TSPO2: variants seen among roughly 807,000 people sequenced by gnomAD.
TSPO2 encodes benzodiazapine receptor (peripheral)-like 1.
A neutral mutation model predicts 13.3 loss-of-function variants in TSPO2; 15 were observed. The ratio of observed to expected loss-of-function variants is 1.13; its 90% confidence interval spans 0.75 to 1.73. The LOEUF is 1.73. Among genes scored for constraint, TSPO2 ranks in the 40% most tolerant of loss-of-function variants. TSPO2 has a pLI of 0.00. For synonymous variants in TSPO2, 81 were observed against 91.6 expected (o/e 0.88, Z 0.66); for missense variants, 202 against 198.3 (o/e 1.02, Z -0.11).
rs1762618146 is a variant in TSPO2 at position 41,043,197 on chromosome 6, T to C, written c.173+39T>C. ...TCTCACACATGGCCCTGGTACCCAA[T>C]GGGGTGGGAACAAGTCCTCTATATC... On this transcript the variant is annotated intron_variant, in intron 2 of 3. Coordinates refer to ENST00000373161, the MANE Select transcript of TSPO2 (RefSeq NM_001010873.3). 5 of 1,579,310 alleles carry C rather than the reference T, an allele frequency of 3.2e-6. No homozygotes were observed. The African/African-American group carries it at 4.0e-5, about 13-fold the overall frequency.
rs1427481618 is a variant in TSPO2, at chr6:41,044,131, T to C, written c.507T>C (p.Ser169=). 1 of 1,612,724 alleles carries C rather than the reference T, an allele frequency of 6.2e-7. No individual in the cohort carries two copies. Among genetic ancestry groups the C allele is most frequent in the South Asian group, 1.1e-5 (1 of 90,932 alleles). ...PVHQPQPTEK[S]D ...ACCAGCCTCAGCCCACGGAGAAGAG[T>C]GACTGAGGCCCTAGGGCATGGGAGA... Residue 169 remains serine, a synonymous_variant, in exon 4 of 4, where the codon AGT becomes AGC. Transcript: ENST00000373161.
rs777623667 is a variant in TSPO2, at chr6:41,043,586, T to G, written c.203T>G (p.Leu68Arg). 3 of 1,609,130 alleles carry G rather than the reference T, an allele frequency of 1.9e-6. No homozygotes were observed. The highest frequency in any genetic ancestry group is 2.5e-6 in the Non-Finnish European group (3 of 1,177,412). ...GCCTCCTACCTGGTGTGGAAGGACC[T>G]GGGAGGGGGCTTGGGGTGGCCCCTG... Reference protein sequence around the residue: ...GYASYLVWKDLGGGLGWPLAL... With the variant: ...GYASYLVWKDRGGGLGWPLAL... The change falls in exon 3 of 4, where the codon CTG (leucine) becomes CGG (arginine). Residue 68 changes from leucine (L) to arginine (R), a missense_variant. By Grantham distance (102) the Leu-to-Arg change is moderately radical. Coordinates refer to ENST00000373161, the MANE Select transcript of TSPO2 (RefSeq NM_001010873.3).
chr6:41,043,469 G>A, intron 2 of TSPO2, 88 bp from the exon 3 acceptor site: 1 of 1,483,178 alleles, frequency 6.7e-7, no homozygotes, highest in Non-Finnish European at 9.1e-7. Flanking sequence ...GCCCACAAGG[G>A]TATCCAAGAG....
chr6:41,041,575 G>A (rs923930216), upstream of TSPO2, among the ~76,000 whole-genome samples: 3 of 151,816 alleles, frequency 2.0e-5, no homozygotes, highest in Admixed American at 1.3e-4. Context: ...ATGAGCAAAC[G>A]GACAGTCAGG....
intron 3 of TSPO2, 103 bp from the exon 4 acceptor site, chr6:41,043,837 G>A: frequency 1.3e-6 from 2 of 1,529,760 alleles, no homozygotes; most frequent in Non-Finnish European, 1.8e-6. Context: ...CCCATGGTGT[G>A]CACAGAGCCC....
upstream of TSPO2, among the ~76,000 whole-genome samples, chr6:41,041,736 G>T (rs1308213050): frequency 6.6e-6 from 1 of 152,234 alleles, no homozygotes; most frequent in Non-Finnish European, 1.5e-5. Context: ...AGCACTTTGG[G>T]AGGCCAAGGC....
upstream of TSPO2, among the ~76,000 whole-genome samples, chr6:41,041,470 G>A (rs1425429891): frequency 6.6e-6 from 1 of 152,238 alleles, no homozygotes; most frequent in Admixed American, 6.5e-5. Context: ...CACTGGGAGA[G>A]GCAGGTGTCA....
At chr6:41,043,354 C>G (rs184951359) in intron 2 of TSPO2, among the ~76,000 whole-genome samples, 196 bp downstream of exon 2, 2 of 152,268 alleles carry the variant, frequency 1.3e-5, no homozygotes, top group African/African-American at 4.8e-5. Context: ...CTTCCACCCT[C>G]TCTAAGTCTC....
In TSPO2 at chr6:41,043,054, T is replaced by C. The variant is rs757343666; in HGVS notation, c.69T>C (p.Thr23=). The change falls in exon 2 of 4, where the codon ACT becomes ACC. Residue 23 remains threonine (T), a synonymous_variant. Transcript: ENST00000373161. ...HLGPILVWLF[T]RDHMSGWCEG... ...GGCCCATCCTGGTCTGGCTGTTCAC[T>C]CGTGATCACATGTCTGGTTGGTGTG... The C allele has an allele frequency of 3.1e-6, 5 of 1,614,172 alleles. No homozygotes were observed. The highest frequency in any genetic ancestry group is 4.2e-6 in the Non-Finnish European group (5 of 1,180,014).
In TSPO2 at chr6:41,042,739, G is replaced by A. The variant is rs1397439231; in HGVS notation, c.-60G>A. 1 of 667,800 alleles carries A rather than the reference G, an allele frequency of 1.5e-6. No homozygotes were observed. Among genetic ancestry groups the A allele is most frequent in the African/African-American group, 1.8e-5 (1 of 56,598 alleles). The allele number at this position is 667,800 out of a possible 1,614,324, so 41.4% of individuals were successfully genotyped here. A position where few individuals can be genotyped will look rare whatever the true frequency, so the allele number is the denominator to read the frequency against. On this transcript the variant is annotated 5_prime_UTR_variant, in exon 1 of 4. In the 5' UTR this introduces an upstream ATG that the reference lacks. Coordinates refer to ENST00000373161, the MANE Select transcript of TSPO2 (RefSeq NM_001010873.3). ...GTCCTCCAAGTGCCAGAGGAGTGCT[G>A]TGGAGAAAAGAAGTCCATGGAAGCC...
At position 41,043,632 on chromosome 6, in the gene TSPO2, T is replaced by C. The variant is rs752647134; in HGVS notation, c.249T>C (p.Tyr83=). 2 of 1,613,648 alleles carry C rather than the reference T, an allele frequency of 1.2e-6. No individual in the cohort carries two copies. ...GWPLALPLGL[Y]AVQLTISWTV... ...CCCTGGCCCTGCCTCTTGGCCTCTA[T>C]GCTGTTCAGCTCACCATCAGCTGGA... Residue 83 remains tyrosine (Y), a synonymous_variant, in exon 3 of 4, where the codon TAT becomes TAC. Coordinates refer to ENST00000373161, the MANE Select transcript of TSPO2 (RefSeq NM_001010873.3).
Position 41,043,127 on chromosome 6 carries a change from C to T in TSPO2, c.142C>T (p.Leu48Phe). ...GTGCCCATTCTACAAAGTCTTATTG[C>T]TTGTACAGACAGCCATCTACTCTGT... ...SWCPFYKVLLLVQTAIYSVVG... is the reference protein window; with the variant it reads ...SWCPFYKVLLFVQTAIYSVVG... The change falls in exon 2 of 4, where the codon CTT (leucine) becomes TTT (phenylalanine). Residue 48 changes from leucine to phenylalanine, a missense_variant. Leu to Phe is a conservative substitution (Grantham distance 22). Transcript: ENST00000373161. 1 of 1,613,724 alleles carries T rather than the reference C, an allele frequency of 6.2e-7. No individual in the cohort carries two copies. Among genetic ancestry groups the T allele is most frequent in the East Asian group, 2.2e-5 (1 of 44,868 alleles).
At position 41,043,943 on chromosome 6, in the gene TSPO2, C is replaced by G. The variant is rs767434006; in HGVS notation, c.319C>G (p.Leu107Val). ...FFTVHNPGLA[L>V]LHLLLLYGLV... The stretch of plus-strand genomic sequence containing the variant: ...GACCCCCGGCCTCTATGCCCAGGCC[C>G]TGCTGCACCTGCTGCTGCTGTATGG... Residue 107 changes from leucine (L) to valine (V), a missense_variant, in exon 4 of 4, where the codon CTG (leucine) becomes GTG (valine). Coordinates refer to ENST00000373161, the MANE Select transcript of TSPO2 (RefSeq NM_001010873.3). 6.2e-7 allele frequency: 1 copy of G among 1,613,222 alleles called. No individual in the cohort carries two copies. The highest frequency in any genetic ancestry group is 8.5e-7 in the Non-Finnish European group (1 of 1,179,708).
chr6:41,043,733 T>G, intron 3 of TSPO2, 35 bp downstream of exon 3: 1 of 1,570,352 alleles, frequency 6.4e-7, no homozygotes. Flanking sequence ...AGAAGTAATG[T>G]GGGAGAGGGT....
intron 2 of TSPO2, 123 bp from the exon 3 acceptor site, chr6:41,043,434 C>A (rs1353310336): frequency 9.1e-6 from 12 of 1,315,072 alleles, no homozygotes; most frequent in Non-Finnish European, 1.3e-5. Flanking sequence ...TTACATGATG[C>A]CTAAACCCAT....
In TSPO2 at chr6:41,042,604, A is replaced by C; in HGVS notation, c.-195A>C. The stretch of plus-strand genomic sequence containing the variant: ...GTGAGGGCCAGCTACATACCTGGCT[A>C]AGCGCTGCCCACTGCAGAAAAGCTC... On this transcript the variant is annotated 5_prime_UTR_variant, in exon 1 of 4. Transcript: ENST00000373161. The C allele has an allele frequency of 2.3e-6, 1 of 436,122 alleles. No homozygotes were observed. 27.0% of individuals were successfully genotyped at this position (436,122 alleles called of 1,614,324 possible).
At position 41,043,200 on chromosome 6, in the gene TSPO2, G is replaced by A. The variant is rs1469465915; in HGVS notation, c.173+42G>A. ...CACACATGGCCCTGGTACCCAATGGGGTGGGAACAAGTCCTCTATATCTGA... is the reference window on the plus strand; with the variant it reads ...CACACATGGCCCTGGTACCCAATGGAGTGGGAACAAGTCCTCTATATCTGA... On this transcript the variant is annotated intron_variant, in intron 2 of 3. Coordinates refer to ENST00000373161, the MANE Select transcript of TSPO2 (RefSeq NM_001010873.3). 14 of 1,572,670 alleles carry A rather than the reference G, an allele frequency of 8.9e-6. No homozygotes were observed. In the African/African-American group the frequency reaches 1.8e-4, roughly 20 times the overall value.
chr6:41,041,936 C>T (rs1017811334), upstream of TSPO2, among the ~76,000 whole-genome samples: 5 of 151,524 alleles, frequency 3.3e-5, no homozygotes, highest in African/African-American at 1.2e-4. Context: ...GATTGCACCA[C>T]TGCACTCCAG....
rs771531578 is a variant in TSPO2, at chr6:41,043,101, G to A, written c.116G>A (p.Trp39Ter). 9.3e-6 allele frequency: 15 copies of A among 1,614,126 alleles called. No homozygotes were observed. The highest frequency in any genetic ancestry group is 1.7e-5 in the Admixed American group (1 of 60,014). ...GWCEGPRMLS[W>*]CPFYKVLLLV... Reference sequence around the variant, plus strand: ...TGTGAGGGCCCGAGGATGCTGTCCTGGTGCCCATTCTACAAAGTCTTATTG... The same window carrying A: ...TGTGAGGGCCCGAGGATGCTGTCCTAGTGCCCATTCTACAAAGTCTTATTG... Residue 39 changes from tryptophan to a stop codon, truncating the protein, a stop_gained, in exon 2 of 4, where the codon TGG becomes TAG. Coordinates refer to ENST00000373161, the MANE Select transcript of TSPO2 (RefSeq NM_001010873.3). LOFTEE classifies it high-confidence loss of function.
Sources: gnomAD v4.1 joint callset for allele counts (sites outside exome capture counted in the v4.1 genomes callset) on GRCh38, gnomAD v4.1.1 for gene constraint, MANE v1.5 for transcripts, NCBI Gene and HGNC (gene_info 2026-07-23, HGNC 2026-07-21) for gene names.